The following C1orf146 variants were observed in gnomAD, a reference collection of about 807,000 sequenced individuals.
C1orf146 encodes the protein protein SPO16 homolog.
In C1orf146, 22 loss-of-function variants were observed where a neutral mutation model predicts 23.0. That is an observed-to-expected ratio of 0.96 (90% CI 0.68 to 1.36). C1orf146 has a LOEUF of 1.36. C1orf146 is among the 40% of genes most tolerant of loss of function. The pLI is 0.00. For synonymous variants in C1orf146, 59 were observed against 65.3 expected, an observed-to-expected ratio of 0.90 and a Z score of 0.47; for missense variants, 199 against 206.8, an observed-to-expected ratio of 0.96 and a Z score of 0.23.
Position 92,222,828 on chromosome 1 carries a change from C to T in C1orf146, c.-40+4780C>T, listed in dbSNP as rs372007807. Among the ~76,000 whole-genome samples the T allele has an allele frequency of 6.0e-4, 91 of 152,006 alleles. 1 individual carries two copies. In the East Asian group the frequency reaches 0.013, roughly 22 times the overall value. On this transcript the variant is annotated intron_variant, in intron 1 of 5. Transcript: ENST00000370375. Reference sequence around the variant, plus strand: ...GTCTTAATCTCCTGACCTTGTGATCCGCCCACCTCGGCCTCCCAAAGTGCT... The same window carrying T: ...GTCTTAATCTCCTGACCTTGTGATCTGCCCACCTCGGCCTCCCAAAGTGCT...
intron 1 of C1orf146, among the ~76,000 whole-genome samples, chr1:92,223,617 C>T (rs1269061938): frequency 6.6e-6 from 1 of 152,176 alleles, no homozygotes; most frequent in African/African-American, 2.4e-5. Flanking sequence ...ACTGCAACCT[C>T]TGCCTTCTGG....
chr1:92,225,219 C>T (rs1651939192), intron 1 of C1orf146, among the ~76,000 whole-genome samples: 1 of 151,686 alleles, frequency 6.6e-6, no homozygotes, highest in Non-Finnish European at 1.5e-5. Flanking sequence ...GATCCTCCCT[C>T]CTCAGCCTCC....
rs774623244 is a variant in C1orf146 at position 92,245,666 on chromosome 1, C to A, written c.535C>A (p.Pro179Thr). 1.1e-4 allele frequency: 169 copies of A among 1,564,830 alleles called. No homozygotes were observed. Among genetic ancestry groups the A allele is most frequent in the Non-Finnish European group, 1.4e-4 (164 of 1,161,124 alleles). The change falls in exon 6 of 6, where the codon CCA becomes ACA. Residue 179 changes from proline (P) to threonine (T), a missense_variant. Transcript: ENST00000370375. Reference sequence around the variant, plus strand: ...AAAACTGAATAGTGATTCAGTTAACCCAAATTAGAGTACCAACTTAATGTT... The same window carrying A: ...AAAACTGAATAGTGATTCAGTTAACACAAATTAGAGTACCAACTTAATGTT... ...KIKLNSDSVNPN is the reference protein window; with the variant it reads ...KIKLNSDSVNTN
At chr1:92,225,798 TAA>T (rs1031014347) in intron 1 of C1orf146, among the ~76,000 whole-genome samples, 2 of 152,206 alleles carry the variant, frequency 1.3e-5, no homozygotes, top group African/African-American at 4.8e-5. Context: ...ATATTTATCT[TAA>T]AGTCTATTTT....
chr1:92,220,468 A>G (rs1386370052), intron 1 of C1orf146, among the ~76,000 whole-genome samples: 1 of 152,230 alleles, frequency 6.6e-6, no homozygotes, highest in Non-Finnish European at 1.5e-5. Context: ...TCTACTAGAC[A>G]TCTAGGCTAT....
rs368640528 is a variant in C1orf146, at chr1:92,233,016, G to A, written c.66+1530G>A. On this transcript the variant is annotated intron_variant, in intron 2 of 5. Coordinates refer to ENST00000370375, the MANE Select transcript of C1orf146 (RefSeq NM_001012425.2). ...TGTAGATTCTGGATATTAGCCCTTT[G>A]TCAGATGAGTAGGTTGTGAAAATTT... Among the ~76,000 whole-genome samples, 24 of 152,034 alleles carry A rather than the reference G, an allele frequency of 1.6e-4. 1 individual carries two copies. The South Asian group carries it at 4.8e-3, about 30-fold the overall frequency.
chr1:92,233,865 T>A (rs543414621), intron 2 of C1orf146, among the ~76,000 whole-genome samples: 1 of 152,362 alleles, frequency 6.6e-6, no homozygotes, highest in South Asian at 2.1e-4. Flanking sequence ...TTATTCTCTT[T>A]GTAGCAATTG....
intron 1 of C1orf146, among the ~76,000 whole-genome samples, chr1:92,230,883 C>T (rs943556969): frequency 5.3e-5 from 8 of 152,136 alleles, no homozygotes; most frequent in African/African-American, 1.9e-4. Flanking sequence ...GTTTCCTAAG[C>T]TCTGGGTTTC....
chr1:92,229,227 A>G lies in C1orf146; in HGVS notation c.-39-2155A>G, dbSNP rs1421380246. 10 of 552,390 alleles carry G rather than the reference A, an allele frequency of 1.8e-5. No individual in the cohort carries two copies. The East Asian group carries it at 4.7e-4, about 26-fold the overall frequency. 34.2% of individuals were successfully genotyped at this position (552,390 alleles called of 1,614,324 possible). A position where few individuals can be genotyped will look rare whatever the true frequency, so the allele number is the denominator to read the frequency against. On this transcript the variant is annotated intron_variant, in intron 1 of 5. Transcript: ENST00000370375. ...CATCCTGTTGGTGATGTCTGGGTACATGGTGGTGCCGCTGGACAGCACTGT... is the reference window on the plus strand; with the variant it reads ...CATCCTGTTGGTGATGTCTGGGTACGTGGTGGTGCCGCTGGACAGCACTGT...
chr1:92,243,897 A>C (rs1278467358), intron 3 of C1orf146, among the ~76,000 whole-genome samples: 4 of 152,022 alleles, frequency 2.6e-5, no homozygotes, highest in Non-Finnish European at 5.9e-5. Context: ...TTTAAATGTA[A>C]TTCATCTTTT....
Position 92,232,241 on chromosome 1 carries a change from C to T in C1orf146, c.66+755C>T, listed in dbSNP as rs555854880. 3.4e-4 allele frequency among the ~76,000 whole-genome samples: 52 copies of T among 151,608 alleles called. 1 individual carries two copies. The highest frequency in any genetic ancestry group is 1.2e-3 in the African/African-American group (49 of 41,274). Reference sequence around the variant, plus strand: ...GTCATCTAGCATTAGGTATATCTCCCAATGCTATCCGTCCTCCCTCCCCCC... The same window carrying T: ...GTCATCTAGCATTAGGTATATCTCCTAATGCTATCCGTCCTCCCTCCCCCC... On this transcript the variant is annotated intron_variant, in intron 2 of 5. Transcript: ENST00000370375.
At chr1:92,243,603 C>A (rs1652486383) in intron 3 of C1orf146, among the ~76,000 whole-genome samples, 1 of 152,182 alleles carries the variant, frequency 6.6e-6, no homozygotes, top group Non-Finnish European at 1.5e-5. Flanking sequence ...CCTCGGCCTC[C>A]CAAAGTGCTG....
chr1:92,220,787 A>G (rs1390663067), intron 1 of C1orf146, among the ~76,000 whole-genome samples: 2 of 152,220 alleles, frequency 1.3e-5, no homozygotes, highest in African/African-American at 4.8e-5. Context: ...GATTAAAAAG[A>G]GACTTTAAAC....
At chr1:92,226,468 A>G (rs1270691540) in intron 1 of C1orf146, among the ~76,000 whole-genome samples, 2 of 152,134 alleles carry the variant, frequency 1.3e-5, no homozygotes, top group Non-Finnish European at 2.9e-5. Context: ...TTATATATTC[A>G]TCTTTTAGAG....
At chr1:92,233,391 C>G (rs984143853) in intron 2 of C1orf146, among the ~76,000 whole-genome samples, 5 of 151,704 alleles carry the variant, frequency 3.3e-5, no homozygotes, top group South Asian at 2.1e-4. Flanking sequence ...GCTTGTTTTT[C>G]TCAGGTTTGT....
At chr1:92,232,119 A>C (rs892370641) in intron 2 of C1orf146, among the ~76,000 whole-genome samples, 1 of 150,482 alleles carries the variant, frequency 6.6e-6, no homozygotes, top group Admixed American at 6.7e-5. Flanking sequence ...ATATATTTTT[A>C]TTATTATACT....
intron 2 of C1orf146, among the ~76,000 whole-genome samples, chr1:92,238,915 T>G (rs540184659): frequency 1.4e-4 from 22 of 152,234 alleles, no homozygotes; most frequent in Non-Finnish European, 2.5e-4. Flanking sequence ...TTGACTCAGA[T>G]TTTTTGTTAT....
intron 1 of C1orf146, 90 bp from the exon 2 acceptor site, chr1:92,231,292 A>C: frequency 1.7e-6 from 1 of 591,442 alleles, no homozygotes; most frequent in Non-Finnish European, 2.9e-6. Context: ...ATTCTTTAAA[A>C]TGTCTCCAAT....
chr1:92,223,558 A>T (rs1436271055), intron 1 of C1orf146, among the ~76,000 whole-genome samples: 1 of 151,990 alleles, frequency 6.6e-6, no homozygotes, highest in Non-Finnish European at 1.5e-5. Context: ...TTTTTGAGAA[A>T]GTCTTGCTCT....
Sources: allele counts gnomAD v4.1 joint callset (sites outside exome capture counted in the v4.1 genomes callset), GRCh38; gene constraint gnomAD v4.1.1; transcripts MANE v1.5; gene names NCBI Gene and HGNC (gene_info 2026-07-23, HGNC 2026-07-21).